Variants in C18orf63 observed in about 807,000 individuals in gnomAD.
C18orf63 encodes the protein uncharacterized protein C18orf63.
C18orf63 carries 50 observed loss-of-function variants against 75.3 expected under a neutral mutation model. That is an observed-to-expected ratio of 0.66 (90% CI 0.53 to 0.84). C18orf63 has a LOEUF of 0.84. Among genes scored for constraint, C18orf63 ranks in the 40% least tolerant of loss-of-function variants. The pLI is 0.00. For synonymous variants in C18orf63, 232 were observed against 267.6 expected (o/e 0.87, Z 1.30); for missense variants, 732 against 800.2 (o/e 0.91, Z 1.03).
chr18:74,353,676 C>T lies in C18orf63; in HGVS notation c.1409C>T (p.Ser470Leu). ...GATGTGACACAATCTAAATTGTTTTCACTCAAAACTAGTATGATCCAGCAT... is the reference window on the plus strand; with the variant it reads ...GATGTGACACAATCTAAATTGTTTTTACTCAAAACTAGTATGATCCAGCAT... Reference protein sequence around the residue: ...QHDVTQSKLFSLKTSMIQHDK... With the variant: ...QHDVTQSKLFLLKTSMIQHDK... Residue 470 changes from serine (S) to leucine (L), a missense_variant, in exon 12 of 14, where the codon TCA becomes TTA. By Grantham distance (145) the Ser-to-Leu change is moderately radical. Coordinates refer to ENST00000579455, the MANE Select transcript of C18orf63 (RefSeq NM_001174123.2). 2.0e-6 allele frequency: 3 copies of T among 1,536,056 alleles called. No individual in the cohort carries two copies. The highest frequency in any genetic ancestry group is 2.6e-6 in the Non-Finnish European group (3 of 1,146,858).
chr18:74,354,054 T>C lies in C18orf63; in HGVS notation c.1787T>C (p.Ile596Thr), dbSNP rs776287232. 2 of 1,536,218 alleles carry C rather than the reference T, an allele frequency of 1.3e-6. No homozygotes were observed. The highest frequency in any genetic ancestry group is 1.2e-5 in the South Asian group (1 of 84,050). ...CTAAAACTGAAAAGACAGCCACACA[T>C]TTTTGAATCAGATGGAGAAACCGAA... ...GSLKLKRQPHIFESDGETEDP... is the reference protein window; with the variant it reads ...GSLKLKRQPHTFESDGETEDP... Residue 596 changes from isoleucine to threonine, a missense_variant, in exon 12 of 14, where the codon ATT becomes ACT. Physicochemically the swap from Ile to Thr is moderately conservative, Grantham distance 89. Around this residue, in one of 3 missense-constraint regions of C18orf63, gnomAD observed 495 missense variants for 508.7 expected, o/e 0.97. Transcript: ENST00000579455.
At chr18:74,355,512 G>GA (rs1252301678) in intron 13 of C18orf63, among the ~76,000 whole-genome samples, 4 of 152,044 alleles carry the variant, frequency 2.6e-5, no homozygotes, top group Admixed American at 2.0e-4. Flanking sequence ...CAGGAGGGGG[G>GA]GCTTACACCT....
Position 74,353,275 on chromosome 18 carries a change from C to A in C18orf63, c.1008C>A (p.Thr336=). The change falls in exon 12 of 14, where the codon ACC becomes ACA. Residue 336 remains threonine (T), a synonymous_variant. Transcript: ENST00000579455. ...ACAAAGTCAAGCCACCCAATTTGACCACTAAAAAAATGCTTAGGGCATCTC... is the reference window on the plus strand; with the variant it reads ...ACAAAGTCAAGCCACCCAATTTGACAACTAAAAAAATGCTTAGGGCATCTC... ...QEHKVKPPNL[T]TKKMLRASLT... 6.5e-7 allele frequency: 1 copy of A among 1,535,420 alleles called. No individual in the cohort carries two copies.
At chr18:74,354,838 A>G (rs984992671) in intron 13 of C18orf63, among the ~76,000 whole-genome samples, 3 of 152,242 alleles carry the variant, frequency 2.0e-5, no homozygotes, top group Non-Finnish European at 4.4e-5. Flanking sequence ...ACACAGCAGC[A>G]GCAGACTATC....
chr18:74,346,361 A>G (rs958061247), intron 11 of C18orf63, among the ~76,000 whole-genome samples: 1 of 152,104 alleles, frequency 6.6e-6, no homozygotes, highest in African/African-American at 2.4e-5. Flanking sequence ...CTGAGACCAC[A>G]ATATTATATA....
At chr18:74,329,373 CAAAAAAAAAAA>C (rs5826314) in intron 6 of C18orf63, among the ~76,000 whole-genome samples, 1 of 94,326 alleles carries the variant, frequency 1.1e-5, no homozygotes, top group East Asian at 3.3e-4. Context: ...GACCCTATTT[CAAAAAAAAAAA>C]AAAAAAAAAA....
intron 11 of C18orf63, among the ~76,000 whole-genome samples, chr18:74,352,965 G>A (rs980982244): frequency 2.6e-5 from 4 of 152,054 alleles, no homozygotes; most frequent in African/African-American, 9.7e-5. Flanking sequence ...GAGGACAGTG[G>A]GTAGCTGTGT....
At chr18:74,330,162 C>T (rs896186200) in intron 6 of C18orf63, among the ~76,000 whole-genome samples, 1 of 152,136 alleles carries the variant, frequency 6.6e-6, no homozygotes, top group African/African-American at 2.4e-5. Context: ...AGGAAAATTC[C>T]TCACTCCTGT....
In C18orf63 at chr18:74,357,579, G is replaced by T. The variant is rs1984789681; in HGVS notation, c.*1132G>T. On this transcript the variant is annotated 3_prime_UTR_variant, in exon 14 of 14. Coordinates refer to ENST00000579455, the MANE Select transcript of C18orf63 (RefSeq NM_001174123.2). Reference sequence around the variant, plus strand: ...CTGAAACAATAATTACATAAAAATAGCCACTAGAGATCCAAGTATAAGTTG... The same window carrying T: ...CTGAAACAATAATTACATAAAAATATCCACTAGAGATCCAAGTATAAGTTG... 1 of 152,020 alleles carries T rather than the reference G, an allele frequency of 6.6e-6. No homozygotes were observed. Among genetic ancestry groups the T allele is most frequent in the South Asian group, 2.1e-4 (1 of 4,830 alleles). The allele number at this position is 152,020 out of a possible 1,614,324, so 9.4% of individuals were successfully genotyped here.
Position 74,354,855 on chromosome 18 carries a change from TAGA to T in C18orf63, c.*33+313_*33+315del, listed in dbSNP as rs1276123383. Among the ~76,000 whole-genome samples, 4 of 152,184 alleles carry T rather than the reference TAGA, an allele frequency of 2.6e-5. No individual in the cohort carries two copies. In the East Asian group the frequency reaches 7.7e-4, roughly 29 times the overall value. Reference sequence around the variant, plus strand: ...ACAGCAGCAGCAGACTATCTAAAAATAGAAGATTTGAACAGCTACTACAATATC... The same window carrying T: ...ACAGCAGCAGCAGACTATCTAAAAATAGATTTGAACAGCTACTACAATATC... On this transcript the variant is annotated intron_variant, in intron 13 of 13. Transcript: ENST00000579455.
rs1984815443 is a variant in C18orf63 at position 74,358,838 on chromosome 18, GT to G, written c.*2393del. 6.6e-6 allele frequency: 1 copy of G among 151,842 alleles called. No homozygotes were observed. The highest frequency in any genetic ancestry group is 1.5e-5 in the Non-Finnish European group (1 of 67,938). 9.4% of individuals were successfully genotyped at this position (151,842 alleles called of 1,614,324 possible). ...TCATATATTAGGTTTCACAGTATTG[GT>G]TGCTTACTATATTTGTTTTTATTTT... On this transcript the variant is annotated 3_prime_UTR_variant, in exon 14 of 14. Transcript: ENST00000579455.
rs114501185 is a variant in C18orf63 at position 74,343,576 on chromosome 18, G to A, written c.852G>A (p.Ser284=). The change falls in exon 11 of 14, where the codon TCG becomes TCA. Residue 284 remains serine, a synonymous_variant. Transcript: ENST00000579455. ...TGCAGTTCTTTCCAAGGGTAGATTC[G>A]GAAGTTGTGTTGAAAAGTTTTCTTT... ...QPMQFFPRVD[S]EVVLKSFLSD... is the part of the protein sequence containing the mutation. 1.5e-3 allele frequency: 2,273 copies of A among 1,534,720 alleles called. 35 individuals are homozygous for A. The African/African-American group carries it at 0.027, about 18-fold the overall frequency.
chr18:74,348,343 G>A (rs1001420035), intron 11 of C18orf63, among the ~76,000 whole-genome samples: 9 of 151,136 alleles, frequency 6.0e-5, no homozygotes, highest in Non-Finnish European at 1.3e-4. Context: ...CTATAAACCT[G>A]TGGTTATATC....
chr18:74,335,998 T>A (rs1008124769), intron 7 of C18orf63, among the ~76,000 whole-genome samples: 2 of 152,102 alleles, frequency 1.3e-5, no homozygotes, highest in African/African-American at 4.8e-5. Context: ...GATAATGATA[T>A]CCCTTCTAGG....
chr18:74,316,990 C>A (rs1461279863), intron 1 of C18orf63, among the ~76,000 whole-genome samples: 1 of 152,214 alleles, frequency 6.6e-6, no homozygotes, highest in African/African-American at 2.4e-5. Context: ...TACATTCCTA[C>A]TGTATTACAT....
chr18:74,335,587 C>T (rs1185178065), intron 7 of C18orf63, among the ~76,000 whole-genome samples: 1 of 152,066 alleles, frequency 6.6e-6, no homozygotes, highest in Admixed American at 6.6e-5. Context: ...TCCACAGTTA[C>T]ATGAGGGATA....
rs1274555838 is a variant in C18orf63 at position 74,342,120 on chromosome 18, G to A, written c.700G>A (p.Asp234Asn). 2 of 1,504,722 alleles carry A rather than the reference G, an allele frequency of 1.3e-6. No homozygotes were observed. The highest frequency in any genetic ancestry group is 2.5e-5 in the East Asian group (1 of 40,706). 93.2% of individuals were successfully genotyped at this position (1,504,722 alleles called of 1,614,324 possible). A position where few individuals can be genotyped will look rare whatever the true frequency, so the allele number is the denominator to read the frequency against. The change falls in exon 9 of 14, where the codon GAT becomes AAT. Residue 234 changes from aspartate (D) to asparagine (N), a missense_variant. By Grantham distance (23) the Asp-to-Asn change is conservative (BLOSUM62 1). Around this residue, in one of 3 missense-constraint regions of C18orf63, gnomAD observed 4 missense variants for 18.8 expected, o/e 0.21. Coordinates refer to ENST00000579455, the MANE Select transcript of C18orf63 (RefSeq NM_001174123.2). Reference protein sequence around the residue: ...HSYGDFQRHWDALYGYKLPGD... With the variant: ...HSYGDFQRHWNALYGYKLPGD... ...ATATGGAGATTTCCAGAGACACTGG[G>A]ATGCCCTGGTAAGGAATGGAAATAT... is the stretch of plus-strand genomic sequence containing the variant.
At chr18:74,337,781 C>T (rs150887673) in intron 7 of C18orf63, among the ~76,000 whole-genome samples, 40 of 152,186 alleles carry the variant, frequency 2.6e-4, no homozygotes, top group African/African-American at 9.4e-4. Flanking sequence ...CTGCTCTTCC[C>T]TGCTCCTCCA....
chr18:74,341,553 G>A (rs1984486870), intron 8 of C18orf63, among the ~76,000 whole-genome samples: 2 of 152,008 alleles, frequency 1.3e-5, no homozygotes, highest in African/African-American at 2.4e-5. Context: ...AGTGGTGCAC[G>A]CTTGTAATCC....
Sources: allele counts gnomAD v4.1 joint callset (sites outside exome capture counted in the v4.1 genomes callset), GRCh38; gene constraint gnomAD v4.1.1; regional missense constraint gnomAD v4.1.1; transcripts MANE v1.5; gene names NCBI Gene and HGNC (gene_info 2026-07-23, HGNC 2026-07-21).